NRXN3: variants seen among roughly 807,000 people sequenced by gnomAD.
The protein encoded by NRXN3 is neurexin III.
Under a neutral mutation model 137.6 loss-of-function variants are expected in NRXN3, and 32 were observed. That is an observed-to-expected ratio of 0.23 (90% CI 0.18 to 0.31). NRXN3 has a LOEUF of 0.31. Among genes scored for constraint, NRXN3 ranks in the 10% least tolerant of loss-of-function variants. The pLI is 1.00. For synonymous variants in NRXN3, 798 were observed against 784.5 expected (o/e 1.02, Z -0.29); for missense variants, 1,574 against 2,062.5 (o/e 0.76, Z 4.59).
At chr14:78,181,235 T>G (rs951634584) in intron 1 of NRXN3, among the ~76,000 whole-genome samples, 2 of 152,194 alleles carry the variant, frequency 1.3e-5, no homozygotes, top group African/African-American at 4.8e-5. Context: ...CTAGGGAGTT[T>G]TTACAAAACG....
chr14:79,546,372 A>T (rs1438609046), intron 16 of NRXN3, among the ~76,000 whole-genome samples: 4 of 152,204 alleles, frequency 2.6e-5, no homozygotes, highest in Admixed American at 6.5e-5. Context: ...ACTACTTCCT[A>T]AAATCCTAAA....
intron 10 of NRXN3, among the ~76,000 whole-genome samples, chr14:78,814,665 A>G (rs2098926130): frequency 6.6e-6 from 1 of 152,130 alleles, no homozygotes; most frequent in Non-Finnish European, 1.5e-5. Flanking sequence ...TTTTCTGGAG[A>G]ATTTCTGGAG....
At chr14:79,070,935 T>G (rs979510534) in intron 15 of NRXN3, among the ~76,000 whole-genome samples, 5 of 152,162 alleles carry the variant, frequency 3.3e-5, no homozygotes, top group Non-Finnish European at 7.4e-5. Flanking sequence ...TGGGTCGCAG[T>G]TTAACGATGT....
chr14:78,740,853 T>A (rs2098565391), intron 8 of NRXN3, among the ~76,000 whole-genome samples: 1 of 152,164 alleles, frequency 6.6e-6, no homozygotes, highest in African/African-American at 2.4e-5. Flanking sequence ...TTTGGTTAGC[T>A]CTGATATTTT....
intron 16 of NRXN3, among the ~76,000 whole-genome samples, chr14:79,638,962 C>T (rs1456507497): frequency 6.6e-6 from 1 of 152,116 alleles, no homozygotes; most frequent in African/African-American, 2.4e-5. Flanking sequence ...AACTGAATTG[C>T]CAGGGGAGGA....
chr14:79,127,735 G>A (rs1180151652), intron 15 of NRXN3, among the ~76,000 whole-genome samples: 2 of 152,098 alleles, frequency 1.3e-5, no homozygotes, highest in South Asian at 2.1e-4. Flanking sequence ...AGCTTTATGG[G>A]GATGGTATTG....
rs555080031 is a variant in NRXN3 at position 79,422,825 on chromosome 14, G to A, written c.3263-44396G>A. On this transcript the variant is annotated intron_variant, in intron 15 of 20. Transcript: ENST00000335750. The stretch of plus-strand genomic sequence containing the variant: ...AGCAATTCTCCTGCCTCAGCCTCCC[G>A]AGTAGCTGGGACTACAGGCGCCCTC... Among the ~76,000 whole-genome samples, 7 of 149,838 alleles carry A rather than the reference G, an allele frequency of 4.7e-5. No homozygotes were observed. In the South Asian group the frequency reaches 8.5e-4, roughly 18 times the overall value.
intron 8 of NRXN3, among the ~76,000 whole-genome samples, chr14:78,755,729 C>A (rs1343354418): frequency 6.6e-6 from 1 of 152,156 alleles, no homozygotes; most frequent in African/African-American, 2.4e-5. Flanking sequence ...AGTCCCCTAC[C>A]AACCTGAAAT....
chr14:79,818,000 G>A (rs1245422751), intron 20 of NRXN3, among the ~76,000 whole-genome samples: 3 of 151,582 alleles, frequency 2.0e-5, no homozygotes, highest in Non-Finnish European at 2.9e-5. Context: ...ACTTATGTGA[G>A]GTGAGTCTCC....
At chr14:78,617,486 C>T (rs1417829045) in intron 4 of NRXN3, among the ~76,000 whole-genome samples, 1 of 152,106 alleles carries the variant, frequency 6.6e-6, no homozygotes. Context: ...ATTTAGAATC[C>T]CTGTGGCCCA....
intron 10 of NRXN3, among the ~76,000 whole-genome samples, chr14:78,851,603 T>C (rs1238033223): frequency 6.6e-6 from 1 of 152,216 alleles, no homozygotes; most frequent in Non-Finnish European, 1.5e-5. Context: ...ACAGGCAGGC[T>C]GGCAGCCAGG....
At chr14:79,629,115 G>A (rs1339106008) in intron 16 of NRXN3, among the ~76,000 whole-genome samples, 1 of 152,164 alleles carries the variant, frequency 6.6e-6, no homozygotes, top group African/African-American at 2.4e-5. Flanking sequence ...TGATTAATTA[G>A]TATATTAATC....
chr14:79,126,280 T>G (rs1469066110), intron 15 of NRXN3, among the ~76,000 whole-genome samples: 1 of 152,010 alleles, frequency 6.6e-6, no homozygotes, highest in East Asian at 1.9e-4. Flanking sequence ...ACCCACTAAC[T>G]CGTCATCTAG....
At chr14:79,822,553 A>G (rs1454441311) in intron 20 of NRXN3, among the ~76,000 whole-genome samples, 1 of 152,158 alleles carries the variant, frequency 6.6e-6, no homozygotes, top group Non-Finnish European at 1.5e-5. Flanking sequence ...ACATCCGAAA[A>G]AGCAAAAAAA....
intron 4 of NRXN3, among the ~76,000 whole-genome samples, chr14:78,413,258 G>T (rs1335058165): frequency 1.3e-5 from 2 of 152,164 alleles, no homozygotes; most frequent in African/African-American, 4.8e-5. Context: ...CACAGAGTTT[G>T]CTCTGCATTG....
At chr14:79,079,738 C>T (rs1162772269) in intron 15 of NRXN3, among the ~76,000 whole-genome samples, 2 of 152,012 alleles carry the variant, frequency 1.3e-5, no homozygotes, top group East Asian at 3.9e-4. Flanking sequence ...ACTTGTAATC[C>T]CAGCATTTTG....
chr14:79,339,332 C>T (rs534341174), intron 15 of NRXN3, among the ~76,000 whole-genome samples: 3 of 152,210 alleles, frequency 2.0e-5, no homozygotes, highest in South Asian at 4.1e-4. Context: ...TGACTCTCAA[C>T]TTGAATGTAC....
At chr14:78,931,860 A>G (rs1005267180) in intron 10 of NRXN3, among the ~76,000 whole-genome samples, 5 of 152,156 alleles carry the variant, frequency 3.3e-5, no homozygotes, top group Admixed American at 1.3e-4. Context: ...CTAAAAGCCA[A>G]GGAAGGCTGG....
At chr14:79,286,651 G>C (rs1333891856) in intron 15 of NRXN3, among the ~76,000 whole-genome samples, 1 of 151,322 alleles carries the variant, frequency 6.6e-6, no homozygotes, top group Non-Finnish European at 1.5e-5. Context: ...GTTTGTTTCT[G>C]TGCTCAAAAT....
Sources: gnomAD v4.1 joint callset for allele counts (sites outside exome capture counted in the v4.1 genomes callset) on GRCh38, gnomAD v4.1.1 for gene constraint, MANE v1.5 for transcripts, NCBI Gene and HGNC (gene_info 2026-07-23, HGNC 2026-07-21) for gene names.